RAI14: variants seen among roughly 807,000 people sequenced by gnomAD.
The protein encoded by RAI14 is ankycorbin.
A neutral mutation model predicts 115.4 loss-of-function variants in RAI14; 45 were observed. The observed-to-expected ratio is 0.39, with a 90% CI of 0.31 to 0.50. The LOEUF (loss-of-function observed/expected upper bound fraction) is 0.50, where lower values mean the gene tolerates loss of function less well. Ranked by LOEUF, RAI14 falls within the 20% of genes least tolerant of loss-of-function variation. The pLI, the probability that RAI14 is intolerant of heterozygous loss-of-function variation, is 0.85. For synonymous variants in RAI14, 371 were observed against 415.4 expected, an observed-to-expected ratio of 0.89 and a Z score of 1.30; for missense variants, 939 against 1,131.2, an observed-to-expected ratio of 0.83 and a Z score of 2.44.
At chr5:34,745,118 G>A (rs1466845256) in intron 2 of RAI14, among the ~76,000 whole-genome samples, 1 of 152,100 alleles carries the variant, frequency 6.6e-6, no homozygotes, top group Non-Finnish European at 1.5e-5. Flanking sequence ...ATCCAATAAG[G>A]TTACATTCTG....
At chr5:34,752,496 C>T (rs6867213) in intron 2 of RAI14, among the ~76,000 whole-genome samples, 26,404 of 151,422 alleles carry the variant, frequency 0.17, 2,449 homozygotes, top group Non-Finnish European at 0.18. Flanking sequence ...TTGAGATGAG[C>T]GAGTGGATGG....
At chr5:34,778,015 A>G (rs2150151087) in intron 3 of RAI14, among the ~76,000 whole-genome samples, 1 of 152,310 alleles carries the variant, frequency 6.6e-6, no homozygotes, top group East Asian at 1.9e-4. Context: ...TTTAAATGTT[A>G]CCCATACATG....
At chr5:34,680,992 T>A (rs901338933) in intron 1 of RAI14, among the ~76,000 whole-genome samples, 3 of 152,222 alleles carry the variant, frequency 2.0e-5, no homozygotes, top group African/African-American at 7.2e-5. Flanking sequence ...CAGTACCCGT[T>A]GGGCCCTGCT....
chr5:34,661,073 A>G (rs1020907487), intron 1 of RAI14, among the ~76,000 whole-genome samples: 1 of 152,194 alleles, frequency 6.6e-6, no homozygotes, highest in Non-Finnish European at 1.5e-5. Flanking sequence ...TCTTTATTCC[A>G]GAATGCTTGG....
At chr5:34,711,307 C>T (rs10461945) in intron 2 of RAI14, among the ~76,000 whole-genome samples, 39,321 of 151,102 alleles carry the variant, frequency 0.26, 5,743 homozygotes, top group Middle Eastern at 0.38. Flanking sequence ...GTTTTGCCGG[C>T]AGGGGGTGGA....
intron 3 of RAI14, among the ~76,000 whole-genome samples, chr5:34,794,764 A>T (rs911121249): frequency 6.6e-6 from 1 of 152,186 alleles, no homozygotes; most frequent in Non-Finnish European, 1.5e-5. Context: ...CTATTTGTTG[A>T]TATGTCCCCC....
chr5:34,755,039 C>A (rs866015516), intron 2 of RAI14, among the ~76,000 whole-genome samples: 30 of 151,598 alleles, frequency 2.0e-4, no homozygotes, highest in African/African-American at 6.8e-4. Flanking sequence ...AAAAACAATA[C>A]TTTTCTCTTT....
Position 34,781,737 on chromosome 5 carries a change from C to T in RAI14, c.168-14202C>T, listed in dbSNP as rs185469777. Among the ~76,000 whole-genome samples, 206 of 152,294 alleles carry T rather than the reference C, an allele frequency of 1.4e-3. 1 individual carries two copies. The highest frequency in any genetic ancestry group is 4.7e-3 in the African/African-American group (196 of 41,566). The stretch of plus-strand genomic sequence containing the variant: ...CATATGACTGAGCAATTCCACTCCT[C>T]GGTATGTACCCATTAGTACTGAAAA... On this transcript the variant is annotated intron_variant, in intron 3 of 17. Coordinates refer to ENST00000265109, the MANE Select transcript of RAI14 (RefSeq NM_015577.3).
chr5:34,747,062 A>G (rs752091458), intron 2 of RAI14, among the ~76,000 whole-genome samples: 3 of 152,190 alleles, frequency 2.0e-5, no homozygotes, highest in African/African-American at 4.8e-5. Context: ...TGTAAATCCA[A>G]TTGAACCTCT....
chr5:34,823,669 G>T lies in RAI14; in HGVS notation c.1827G>T (p.Met609Ile), dbSNP rs371722791. ...ACCAAGAAGCCCAAGAAGAAATCATGAAATTAAAAGACACACTAAAAAGTC... is the reference window on the plus strand; with the variant it reads ...ACCAAGAAGCCCAAGAAGAAATCATTAAATTAAAAGACACACTAAAAAGTC... ...EKYQEAQEEI[M>I]KLKDTLKSQM... Residue 609 changes from methionine to isoleucine, a missense_variant, in exon 15 of 18, where the codon ATG becomes ATT. Physicochemically the swap from Met to Ile is conservative, Grantham distance 10. Coordinates refer to ENST00000265109, the MANE Select transcript of RAI14 (RefSeq NM_015577.3). This position sits in a 1 kb window ranked among gnomAD's most constrained non-coding sequence, Gnocchi z 4.5. The T allele has an allele frequency of 2.5e-6, 4 of 1,613,636 alleles. No individual in the cohort carries two copies. In the African/African-American group the frequency reaches 5.3e-5, roughly 22 times the overall value.
chr5:34,749,123 T>G (rs955582212), intron 2 of RAI14, among the ~76,000 whole-genome samples: 1 of 152,230 alleles, frequency 6.6e-6, no homozygotes, highest in Non-Finnish European at 1.5e-5. Flanking sequence ...GAAAACAGTT[T>G]ACTTTGTCTT....
chr5:34,745,321 C>A (rs1388773365), intron 2 of RAI14, among the ~76,000 whole-genome samples: 1 of 152,164 alleles, frequency 6.6e-6, no homozygotes, highest in African/African-American at 2.4e-5. Flanking sequence ...GCTCCTTTTT[C>A]ATTTGACATT....
intron 9 of RAI14, 35 bp from the exon 10 acceptor site, chr5:34,812,145 T>C (rs1192342588): frequency 6.5e-7 from 1 of 1,536,498 alleles, no homozygotes; most frequent in Admixed American, 1.7e-5. Flanking sequence ...TCATTATGCT[T>C]CTTATAGTTC....
At chr5:34,681,856 C>CTTTCTTTTT (rs58823040) in intron 1 of RAI14, among the ~76,000 whole-genome samples, 23 of 122,134 alleles carry the variant, frequency 1.9e-4, no homozygotes, top group Non-Finnish European at 2.6e-4. Flanking sequence ...TTCTTTCTTT[C>CTTTCTTTTT]TTTTTTTTTT....
chr5:34,808,700 T>C (rs1222054286), intron 7 of RAI14, 46 bp downstream of exon 7: 1 of 1,550,854 alleles, frequency 6.4e-7, no homozygotes, highest in Admixed American at 1.7e-5. Flanking sequence ...CATTGGTTTC[T>C]AGAGCTCAAT....
chr5:34,759,465 C>T (rs900866073), intron 3 of RAI14, among the ~76,000 whole-genome samples: 5 of 152,302 alleles, frequency 3.3e-5, no homozygotes, highest in African/African-American at 1.2e-4. Context: ...AGCTCCGCCT[C>T]CTGTCAGATC....
intron 1 of RAI14, among the ~76,000 whole-genome samples, chr5:34,683,485 A>G (rs1186716658): frequency 6.6e-6 from 1 of 152,008 alleles, no homozygotes; most frequent in East Asian, 1.9e-4. Flanking sequence ...CTAACACAAC[A>G]CCCACGAAAC....
chr5:34,808,766 A>G (rs1755223557), intron 7 of RAI14, 112 bp downstream of exon 7: 1 of 1,007,320 alleles, frequency 9.9e-7, no homozygotes, highest in South Asian at 1.5e-5. Flanking sequence ...CCTTTTTGGC[A>G]TCAGGGGCTG....
intron 1 of RAI14, among the ~76,000 whole-genome samples, chr5:34,683,821 G>A (rs1479962081): frequency 1.3e-5 from 2 of 151,806 alleles, no homozygotes; most frequent in Non-Finnish European, 2.9e-5. Flanking sequence ...TCCGCCTCCC[G>A]GGTTCACGCC....
Sources: allele counts gnomAD v4.1 joint callset (sites outside exome capture counted in the v4.1 genomes callset), GRCh38; gene constraint gnomAD v4.1.1; non-coding constraint Gnocchi (gnomAD v3.1); transcripts MANE v1.5; gene names NCBI Gene and HGNC (gene_info 2026-07-23, HGNC 2026-07-21).